Variants in ITPKC observed in about 807,000 individuals in gnomAD.
The protein encoded by ITPKC is IP3 3-kinase C.
ITPKC carries 33 observed loss-of-function variants against 67.1 expected under a neutral mutation model. That is an observed-to-expected ratio of 0.49 (90% CI 0.37 to 0.66). The LOEUF (loss-of-function observed/expected upper bound fraction) is 0.66, where lower values mean the gene tolerates loss of function less well. Ranked by LOEUF, ITPKC falls within the 30% of genes least tolerant of loss-of-function variation. ITPKC has a pLI of 0.00. For synonymous variants in ITPKC, 341 were observed against 359.8 expected (o/e 0.95, Z 0.59); for missense variants, 820 against 892.1 (o/e 0.92, Z 1.03).
chr19:40,734,781 GTT>G (rs34843018), intron 4 of ITPKC, among the ~76,000 whole-genome samples: 4 of 114,884 alleles, frequency 3.5e-5, no homozygotes, highest in African/African-American at 1.0e-4. Context: ...GCTAATTGTT[GTT>G]TTTTTTTTTT....
intron 2 of ITPKC, among the ~76,000 whole-genome samples, chr19:40,727,066 G>A (rs978675258): frequency 2.6e-5 from 4 of 152,100 alleles, no homozygotes; most frequent in Non-Finnish European, 5.9e-5. Flanking sequence ...CAGGGGCGGT[G>A]GCTCACGCCT....
intron 4 of ITPKC, among the ~76,000 whole-genome samples, chr19:40,734,780 TG>T (rs2082287298): frequency 3.0e-5 from 3 of 100,848 alleles, no homozygotes; most frequent in Non-Finnish European, 4.5e-5. Flanking sequence ...GGCTAATTGT[TG>T]TTTTTTTTTT....
intron 3 of ITPKC, among the ~76,000 whole-genome samples, chr19:40,731,540 G>A (rs1489376274): frequency 1.3e-5 from 2 of 150,380 alleles, no homozygotes; most frequent in Non-Finnish European, 2.9e-5. Context: ...GGCGCACCAC[G>A]CTCCAGGAAC....
intron 1 of ITPKC, among the ~76,000 whole-genome samples, chr19:40,718,593 G>A (rs2082205211): frequency 6.6e-6 from 1 of 152,170 alleles, no homozygotes. Context: ...GGACTAAGGA[G>A]CCTGCCGTGC....
Position 40,717,874 on chromosome 19 carries a change from G to C in ITPKC, c.739G>C (p.Asp247His), listed in dbSNP as rs1242732091. 1.2e-6 allele frequency: 2 copies of C among 1,613,978 alleles called. No individual in the cohort carries two copies. Among genetic ancestry groups the C allele is most frequent in the Middle Eastern group, 1.6e-4 (1 of 6,062 alleles). The part of the protein sequence containing the change: ...IEGPWTEPYT[D>H]GSQKKQDTEA... ...AGGTCCCTGGACAGAGCCATATACT[G>C]ATGGCTCCCAGAAAAAACAGGATAC... is the stretch of plus-strand genomic sequence containing the variant. The change falls in exon 1 of 7, where the codon GAT (aspartate) becomes CAT (histidine). Residue 247 changes from aspartate to histidine, a missense_variant. Asp to His is a moderately conservative substitution (Grantham distance 81, BLOSUM62 -1). Coordinates refer to ENST00000263370, the MANE Select transcript of ITPKC (RefSeq NM_025194.3).
chr19:40,737,992 GAAAA>G (rs35811447), intron 6 of ITPKC, among the ~76,000 whole-genome samples: 1 of 114,424 alleles, frequency 8.7e-6, no homozygotes. Flanking sequence ...TCTCTATTTG[GAAAA>G]AAAAAAAAAA....
At chr19:40,731,532 C>T (rs549304130) in intron 3 of ITPKC, among the ~76,000 whole-genome samples, 2 of 150,716 alleles carry the variant, frequency 1.3e-5, no homozygotes, top group African/African-American at 4.9e-5. Context: ...CCTCCCTGGG[C>T]GCACCACGCT....
intron 1 of ITPKC, among the ~76,000 whole-genome samples, chr19:40,721,087 C>T (rs993716813): frequency 6.6e-6 from 1 of 151,650 alleles, no homozygotes; most frequent in Non-Finnish European, 1.5e-5. Context: ...AGACAAAAAT[C>T]ACTCCCTAAG....
At chr19:40,718,381 T>A in intron 1 of ITPKC, 91 bp downstream of exon 1, 1 of 1,436,870 alleles carries the variant, frequency 7.0e-7, no homozygotes, top group Non-Finnish European at 9.1e-7. Context: ...CCATTTACTG[T>A]TAGTTGCCCA....
chr19:40,718,069 C>T lies in ITPKC; in HGVS notation c.934C>T (p.Leu312=). ...AGAGGAACCAGAGCCTGGAGAATTG[C>T]TGACTCACCTGTACTCTCACCTGAA... is the stretch of plus-strand genomic sequence containing the variant. ...PLEEPEPGEL[L]THLYSHLKCS... The change falls in exon 1 of 7, where the codon CTG becomes TTG. Residue 312 remains leucine, a synonymous_variant. Coordinates refer to ENST00000263370, the MANE Select transcript of ITPKC (RefSeq NM_025194.3). The T allele has an allele frequency of 1.2e-6, 2 of 1,614,076 alleles. No homozygotes were observed. Among genetic ancestry groups the T allele is most frequent in the Non-Finnish European group, 1.7e-6 (2 of 1,180,012 alleles).
intron 2 of ITPKC, among the ~76,000 whole-genome samples, chr19:40,726,745 A>T (rs1001191181): frequency 3.3e-5 from 5 of 152,304 alleles, no homozygotes; most frequent in African/African-American, 1.2e-4. Context: ...TGAGTTTATT[A>T]AAAAAACAAA....
chr19:40,729,463 C>A, intron 3 of ITPKC, 48 bp downstream of exon 3: 2 of 1,532,286 alleles, frequency 1.3e-6, no homozygotes, highest in Non-Finnish European at 1.8e-6. Flanking sequence ...AGGGGGTGGG[C>A]ATTATTGAAA....
In ITPKC at chr19:40,739,360, G is replaced by T. The variant is rs769025038; in HGVS notation, c.1852G>T (p.Val618Leu). Residue 618 changes from valine to leucine, a missense_variant, in exon 7 of 7, where the codon GTA becomes TTA. Physicochemically the swap from Val to Leu is conservative, Grantham distance 32. This residue lies in a region of ITPKC where 339 missense variants were observed against 422.0 expected (regional missense o/e 0.80). Coordinates refer to ENST00000263370, the MANE Select transcript of ITPKC (RefSeq NM_025194.3). ...CCTCCCGTCTCTACCCCGGCAGGTG[G>T]TAGGCAGCTCCCTCCTCTTCGTGCA... is the stretch of plus-strand genomic sequence containing the variant. ...ISPFFKTHEV[V>L]GSSLLFVHDH... 1 of 1,613,540 alleles carries T rather than the reference G, an allele frequency of 6.2e-7. No homozygotes were observed. The highest frequency in any genetic ancestry group is 1.1e-5 in the South Asian group (1 of 91,072).
chr19:40,730,354 CACAT>C (rs1312014371), intron 3 of ITPKC, among the ~76,000 whole-genome samples: 1 of 152,174 alleles, frequency 6.6e-6, no homozygotes, highest in Non-Finnish European at 1.5e-5. Context: ...CACAGACACA[CACAT>C]AGTCTTCAAC....
chr19:40,725,295 T>C (rs753040764), intron 1 of ITPKC, 45 bp from the exon 2 acceptor site: 2 of 1,317,344 alleles, frequency 1.5e-6, no homozygotes, highest in Non-Finnish European at 2.2e-6. Flanking sequence ...AGCCCCTGCC[T>C]TCCCTGGCCT....
rs2082317578 is a variant in ITPKC at position 40,740,121 on chromosome 19, A to C, written c.*561A>C. The C allele has an allele frequency of 6.4e-6, 1 of 155,736 alleles. No homozygotes were observed. 9.6% of individuals were successfully genotyped at this position (155,736 alleles called of 1,614,324 possible). ...TTGAGTGCTGAGCGACAAGAGGCTCAGAGGGCATGACCCCATGGGACTGGA... is the reference window on the plus strand; with the variant it reads ...TTGAGTGCTGAGCGACAAGAGGCTCCGAGGGCATGACCCCATGGGACTGGA... On this transcript the variant is annotated 3_prime_UTR_variant, in exon 7 of 7. Transcript: ENST00000263370.
chr19:40,724,195 C>T (rs1461016016), intron 1 of ITPKC, among the ~76,000 whole-genome samples: 1 of 152,090 alleles, frequency 6.6e-6, no homozygotes, highest in Non-Finnish European at 1.5e-5. Context: ...TTGCATGAGG[C>T]CAGGAGTTCA....
rs1471949163 is a variant in ITPKC at position 40,717,301 on chromosome 19, G to A, written c.166G>A (p.Gly56Ser). 1.3e-6 allele frequency: 2 copies of A among 1,511,326 alleles called. No homozygotes were observed. The highest frequency in any genetic ancestry group is 1.8e-6 in the Non-Finnish European group (2 of 1,131,184). The allele number at this position is 1,511,326 out of a possible 1,614,324, so 93.6% of individuals were successfully genotyped here. A position where few individuals can be genotyped will look rare whatever the true frequency, so the allele number is the denominator to read the frequency against. The change falls in exon 1 of 7, where the codon GGC becomes AGC. Residue 56 changes from glycine to serine, a missense_variant. Gly to Ser is a moderately conservative substitution (Grantham distance 56, BLOSUM62 0). Around this residue, in one of 2 missense-constraint regions of ITPKC, gnomAD observed 481 missense variants for 470.1 expected, o/e 1.02. Coordinates refer to ENST00000263370, the MANE Select transcript of ITPKC (RefSeq NM_025194.3). Reference protein sequence around the residue: ...AGAPAGRPEGGGPWARTEGSS... With the variant: ...AGAPAGRPEGSGPWARTEGSS... The stretch of plus-strand genomic sequence containing the variant: ...GGCCCCGGCGGGGCGGCCGGAGGGG[G>A]GCGGGCCCTGGGCCCGGACAGAGGG...
rs1258521726 is a variant in ITPKC, at chr19:40,739,959, T to A, written c.*399T>A. ...CCTGCCTCCCTGTCAGCCTCCAGGC[T>A]GCCAGCTGGCTGAGGCCAGGGACTG... On this transcript the variant is annotated 3_prime_UTR_variant, in exon 7 of 7. Coordinates refer to ENST00000263370, the MANE Select transcript of ITPKC (RefSeq NM_025194.3). 1 of 195,950 alleles carries A rather than the reference T, an allele frequency of 5.1e-6. No homozygotes were observed. The highest frequency in any genetic ancestry group is 1.1e-5 in the Non-Finnish European group (1 of 95,054). 12.1% of individuals were successfully genotyped at this position (195,950 alleles called of 1,614,324 possible).
Sources: gnomAD v4.1 joint callset for allele counts (sites outside exome capture counted in the v4.1 genomes callset) on GRCh38, gnomAD v4.1.1 for gene constraint, gnomAD v4.1.1 regional missense constraint, MANE v1.5 for transcripts, NCBI Gene and HGNC (gene_info 2026-07-23, HGNC 2026-07-21) for gene names.